The following ARHGAP15 variants were observed in gnomAD, a reference collection of about 807,000 sequenced individuals.
ARHGAP15 encodes the protein Rho GTPase activating protein 15, also known as rho GTPase-activating protein 15.
ARHGAP15 carries 51 observed loss-of-function variants against 63.7 expected under a neutral mutation model. The observed-to-expected ratio is 0.80, with a 90% CI of 0.64 to 1.01. The LOEUF is 1.01. Among genes scored for constraint, ARHGAP15 ranks in the 50% least tolerant of loss-of-function variants. The pLI is 0.00. For missense variants in ARHGAP15, 560 were observed against 564.6 expected (o/e 0.99, Z 0.08); for synonymous variants, 191 against 193.8 (o/e 0.99, Z 0.12).
At chr2:143,764,475 G>C (rs926653553) in intron 13 of ARHGAP15, among the ~76,000 whole-genome samples, 8 of 152,118 alleles carry the variant, frequency 5.3e-5, no homozygotes, top group African/African-American at 1.9e-4. Context: ...TGGTTTCCAA[G>C]ACCAGGTCTT....
chr2:143,762,119 C>T (rs1238789262), intron 13 of ARHGAP15, among the ~76,000 whole-genome samples: 1 of 152,048 alleles, frequency 6.6e-6, no homozygotes, highest in African/African-American at 2.4e-5. Context: ...TTCAGAGGCA[C>T]TAAACTTTGA....
intron 2 of ARHGAP15, among the ~76,000 whole-genome samples, chr2:143,159,174 G>T (rs1390300695): frequency 1.3e-5 from 2 of 151,806 alleles, no homozygotes; most frequent in African/African-American, 4.8e-5. Context: ...GACTTAGGTG[G>T]AGCCATTTTT....
At chr2:143,259,795 G>T (rs529492860) in intron 6 of ARHGAP15, among the ~76,000 whole-genome samples, 3 of 152,234 alleles carry the variant, frequency 2.0e-5, no homozygotes, top group African/African-American at 7.2e-5. Context: ...GAATGTGAAA[G>T]TGTATTTTAC....
intron 12 of ARHGAP15, chr2:143,649,028 A>T (rs1681034461): frequency 6.6e-6 from 1 of 152,008 alleles, no homozygotes; most frequent in South Asian, 2.1e-4. Flanking sequence ...ACTTCATTTC[A>T]TAACCCCTAG....
At chr2:143,651,561 C>T (rs140917777) in intron 12 of ARHGAP15, among the ~76,000 whole-genome samples, 49 of 151,990 alleles carry the variant, frequency 3.2e-4, no homozygotes, top group African/African-American at 9.9e-4. Context: ...TATGAACATA[C>T]GCTTTCATTT....
intron 6 of ARHGAP15, among the ~76,000 whole-genome samples, chr2:143,360,133 C>T (rs1270797821): frequency 6.6e-6 from 1 of 151,534 alleles, no homozygotes; most frequent in African/African-American, 2.4e-5. Flanking sequence ...AATCCCAGAA[C>T]TTTGGGAGAC....
intron 6 of ARHGAP15, among the ~76,000 whole-genome samples, chr2:143,254,400 T>G (rs1013552290): frequency 9.2e-5 from 14 of 151,652 alleles, no homozygotes; most frequent in Admixed American, 2.6e-4. Flanking sequence ...CAAAATAATT[T>G]AGAACAAGTT....
chr2:143,140,294 T>C (rs1689309139), intron 1 of ARHGAP15, among the ~76,000 whole-genome samples: 2 of 152,140 alleles, frequency 1.3e-5, no homozygotes, highest in Admixed American at 1.3e-4. Context: ...TGTTTACCAA[T>C]TTTTAGTTGA....
At chr2:143,330,035 T>A (rs145708616) in intron 6 of ARHGAP15, among the ~76,000 whole-genome samples, 8,291 of 129,456 alleles carry the variant, frequency 0.064, 522 homozygotes, top group Admixed American at 0.25. Flanking sequence ...GAGGTTGCAG[T>A]GAGCCTAGAT....
intron 11 of ARHGAP15, among the ~76,000 whole-genome samples, chr2:143,557,494 G>A (rs1695857742): frequency 1.3e-5 from 2 of 151,926 alleles, no homozygotes; most frequent in African/African-American, 4.8e-5. Flanking sequence ...GAGATGAATA[G>A]GTGAGCACAG....
chr2:143,527,899 G>A (rs1207494182), intron 10 of ARHGAP15, among the ~76,000 whole-genome samples: 4 of 151,974 alleles, frequency 2.6e-5, no homozygotes, highest in Non-Finnish European at 5.9e-5. Context: ...GTTGGTTGAA[G>A]GCAGCTCAGA....
At chr2:143,419,634 T>C (rs188551914) in intron 6 of ARHGAP15, among the ~76,000 whole-genome samples, 1,524 of 150,088 alleles carry the variant, frequency 0.01, 16 homozygotes, top group Admixed American at 0.015. Flanking sequence ...ATTTGACCTA[T>C]GTATGACCTA....
At chr2:143,631,214 AGTT>A (rs1260445325) in intron 12 of ARHGAP15, among the ~76,000 whole-genome samples, 1 of 152,074 alleles carries the variant, frequency 6.6e-6, no homozygotes, top group Non-Finnish European at 1.5e-5. Flanking sequence ...CAATTTGTTC[AGTT>A]GTTTATGGAT....
chr2:143,417,512 G>C (rs1196466112), intron 6 of ARHGAP15, among the ~76,000 whole-genome samples: 1 of 152,286 alleles, frequency 6.6e-6, no homozygotes, highest in Middle Eastern at 3.4e-3. Context: ...TAGGTACTTT[G>C]CCACAGGGTT....
intron 11 of ARHGAP15, among the ~76,000 whole-genome samples, chr2:143,602,083 A>G (rs1426415981): frequency 1.3e-5 from 2 of 152,194 alleles, no homozygotes; most frequent in Non-Finnish European, 2.9e-5. Context: ...ATATATCTTC[A>G]TAAAACAATA....
chr2:143,568,893 C>A (rs555620684), intron 11 of ARHGAP15, among the ~76,000 whole-genome samples: 2 of 152,264 alleles, frequency 1.3e-5, no homozygotes, highest in Admixed American at 1.3e-4. Flanking sequence ...AACTATCATT[C>A]TGAGCAAACT....
intron 10 of ARHGAP15, chr2:143,521,819 T>TA (rs1436979896): frequency 2.6e-5 from 4 of 152,240 alleles, no homozygotes; most frequent in African/African-American, 4.8e-5. Context: ...TTTACTCCTT[T>TA]AAAAAAACCT....
At chr2:143,447,375 T>A (rs942345942) in intron 8 of ARHGAP15, among the ~76,000 whole-genome samples, 4 of 152,188 alleles carry the variant, frequency 2.6e-5, no homozygotes, top group Non-Finnish European at 5.9e-5. Context: ...AGTAAACATA[T>A]TATACAAATC....
At chr2:143,533,192 T>G (rs1474806316) in intron 10 of ARHGAP15, 1 of 152,226 alleles carries the variant, frequency 6.6e-6, no homozygotes, top group African/African-American at 2.4e-5. Flanking sequence ...TGTTGAATGT[T>G]GAAAGACAGT....
Sources: gnomAD v4.1 joint callset for allele counts (sites outside exome capture counted in the v4.1 genomes callset) on GRCh38, gnomAD v4.1.1 for gene constraint, MANE v1.5 for transcripts, NCBI Gene and HGNC (gene_info 2026-07-23, HGNC 2026-07-21) for gene names.